DDC: variants seen among roughly 807,000 people sequenced by gnomAD.
The protein encoded by DDC is aromatic-L-amino-acid decarboxylase.
In DDC, 43 loss-of-function variants were observed where a neutral mutation model predicts 60.0. The observed-to-expected ratio is 0.72, with a 90% CI of 0.56 to 0.92. DDC has a LOEUF of 0.92. Among genes scored for constraint, DDC ranks in the 40% least tolerant of loss-of-function variants. The pLI is 0.00. For missense variants in DDC, 573 were observed against 620.2 expected (o/e 0.92, Z 0.81); for synonymous variants, 232 against 234.6 (o/e 0.99, Z 0.10).
chr7:50,555,769 G>C (rs761583340), intron 1 of DDC, among the ~76,000 whole-genome samples: 1 of 152,132 alleles, frequency 6.6e-6, no homozygotes, highest in East Asian at 1.9e-4. Flanking sequence ...CAGATGAGAA[G>C]ACCGAGGCGC....
intron 2 of DDC, 24 bp from the exon 3 acceptor site, chr7:50,540,052 G>A (rs1478278225): frequency 6.3e-7 from 1 of 1,580,404 alleles, no homozygotes; most frequent in Non-Finnish European, 8.7e-7. Flanking sequence ...CAGAGCAGCT[G>A]CTGAGGAGTG....
chr7:50,512,290 C>A (rs1377126489), intron 6 of DDC, among the ~76,000 whole-genome samples: 2 of 151,934 alleles, frequency 1.3e-5, no homozygotes, highest in Non-Finnish European at 2.9e-5. Flanking sequence ...AGAAAATTGT[C>A]AGGGATAAAA....
chr7:50,539,883 G>T (rs1448131337), intron 3 of DDC, 32 bp downstream of exon 3: 1 of 1,554,438 alleles, frequency 6.4e-7, no homozygotes, highest in African/African-American at 1.4e-5. Flanking sequence ...CCACAGCCAG[G>T]ACCCCTTCCC....
intron 1 of DDC, among the ~76,000 whole-genome samples, chr7:50,548,080 C>A (rs2044865227): frequency 6.6e-6 from 1 of 152,214 alleles, no homozygotes; most frequent in Non-Finnish European, 1.5e-5. Context: ...TTTGGGACAG[C>A]ATGGACCACA....
At chr7:50,521,348 A>G (rs898939970) in intron 6 of DDC, among the ~76,000 whole-genome samples, 5 of 152,222 alleles carry the variant, frequency 3.3e-5, no homozygotes, top group African/African-American at 1.2e-4. Flanking sequence ...AATTGAATTC[A>G]CTGCTGAGTT....
At chr7:50,480,082 C>T (rs1252203034) in intron 9 of DDC, 1 of 570,504 alleles carries the variant, frequency 1.8e-6, no homozygotes, top group Admixed American at 2.9e-5. Context: ...TGGCACACAG[C>T]TCCTAAAACC....
At position 50,458,707 on chromosome 7, in the gene DDC, G is replaced by A. The variant is rs886062369; in HGVS notation, c.*155C>T. 1.3e-5 allele frequency: 2 copies of A among 152,150 alleles called. No individual in the cohort carries two copies. The highest frequency in any genetic ancestry group is 2.9e-5 in the Non-Finnish European group (2 of 68,026). The allele number at this position is 152,150 out of a possible 1,614,324, so 9.4% of individuals were successfully genotyped here. ...TTCTTTGTTGATGAGATACTAAGCA[G>A]ACAAAATCACAACCCTCTGGATAAC... On this transcript the variant is annotated 3_prime_UTR_variant, in exon 15 of 15. Coordinates refer to ENST00000444124, the MANE Select transcript of DDC (RefSeq NM_001082971.2).
At chr7:50,483,520 G>A (rs1180312980) in intron 9 of DDC, among the ~76,000 whole-genome samples, 1 of 152,156 alleles carries the variant, frequency 6.6e-6, no homozygotes, top group Non-Finnish European at 1.5e-5. Context: ...ATAAGAGGCA[G>A]TGTGGCCTCT....
intron 5 of DDC, 145 bp from the exon 6 acceptor site, chr7:50,528,425 C>G: frequency 3.3e-6 from 3 of 913,598 alleles, no homozygotes; most frequent in Admixed American, 1.8e-5. Context: ...TGACTGCTCC[C>G]TCTCCCCTGC....
At chr7:50,558,083 C>CA (rs2045241980) in intron 1 of DDC, among the ~76,000 whole-genome samples, 1 of 151,772 alleles carries the variant, frequency 6.6e-6, no homozygotes, top group African/African-American at 2.4e-5. Flanking sequence ...AATCACCCCC[C>CA]CCCTTACAAA....
intron 1 of DDC, among the ~76,000 whole-genome samples, chr7:50,547,392 T>C (rs2044843197): frequency 6.6e-6 from 1 of 152,002 alleles, no homozygotes; most frequent in Non-Finnish European, 1.5e-5. Context: ...TTTTTTTGTA[T>C]TTTTAGTAGA....
chr7:50,518,044 C>T (rs2043786171), intron 6 of DDC, among the ~76,000 whole-genome samples: 1 of 151,538 alleles, frequency 6.6e-6, no homozygotes. Context: ...CCCATCTCTA[C>T]TAAAAAATAC....
chr7:50,524,448 T>A (rs1054918312), intron 6 of DDC, among the ~76,000 whole-genome samples: 10 of 152,114 alleles, frequency 6.6e-5, no homozygotes, highest in Non-Finnish European at 1.2e-4. Context: ...CTAAAACAAC[T>A]CTAACAAAAT....
chr7:50,490,712 A>C (rs1271184110), intron 9 of DDC, among the ~76,000 whole-genome samples: 1 of 152,096 alleles, frequency 6.6e-6, no homozygotes, highest in Non-Finnish European at 1.5e-5. Context: ...ACAACAACAA[A>C]AGCTCTAAAT....
chr7:50,500,171 G>A (rs2043216700), intron 7 of DDC, among the ~76,000 whole-genome samples: 1 of 152,052 alleles, frequency 6.6e-6, no homozygotes, highest in Admixed American at 6.5e-5. Context: ...ACCAGTGTCA[G>A]GGTACCGTGG....
rs2043332939 is a variant in DDC, at chr7:50,504,191, T to C, written c.715-132A>G. The C allele has an allele frequency of 4.1e-6, 3 of 723,616 alleles. No individual in the cohort carries two copies. In the South Asian group the frequency reaches 4.4e-5, roughly 11 times the overall value. 44.8% of individuals were successfully genotyped at this position (723,616 alleles called of 1,614,324 possible). A position where few individuals can be genotyped will look rare whatever the true frequency, so the allele number is the denominator to read the frequency against. ...GAGATCCCAATGAATGTCTGCTACA[T>C]GGAAACGTAAGCCCATGGATGCACA... is the stretch of plus-strand genomic sequence containing the variant. On this transcript the variant is annotated intron_variant, in intron 6 of 14. Transcript: ENST00000444124.
chr7:50,539,534 A>G (rs917130340), intron 3 of DDC, among the ~76,000 whole-genome samples: 3 of 152,288 alleles, frequency 2.0e-5, no homozygotes, highest in East Asian at 1.9e-4. Flanking sequence ...GGAGAACAGA[A>G]GGAATGAGAC....
chr7:50,470,227 C>T, intron 11 of DDC, 56 bp from the exon 12 acceptor site: 1 of 1,317,664 alleles, frequency 7.6e-7, no homozygotes, highest in Non-Finnish European at 1.1e-6. Context: ...AGCTGGCTTC[C>T]TTTTCGGCTC....
chr7:50,471,926 C>T (rs1157512962), intron 11 of DDC, among the ~76,000 whole-genome samples: 1 of 152,186 alleles, frequency 6.6e-6, no homozygotes, highest in African/African-American at 2.4e-5. Context: ...CTCGACTGGT[C>T]AACTTCCTAC....
Sources: allele counts gnomAD v4.1 joint callset (sites outside exome capture counted in the v4.1 genomes callset), GRCh38; gene constraint gnomAD v4.1.1; transcripts MANE v1.5; gene names NCBI Gene and HGNC (gene_info 2026-07-23, HGNC 2026-07-21).